NHSL2: variants seen among roughly 807,000 people sequenced by gnomAD.
The protein encoded by NHSL2 is NHS-like protein 2.
A neutral mutation model predicts 53.4 loss-of-function variants in NHSL2; 27 were observed. The ratio of observed to expected loss-of-function variants is 0.51; its 90% CI spans 0.37 to 0.70. The LOEUF (loss-of-function observed/expected upper bound fraction) is 0.70. Ranked by LOEUF, NHSL2 falls within the 30% of genes least tolerant of loss-of-function variation. The pLI, the probability that NHSL2 is intolerant of heterozygous loss-of-function variation, is 0.00. For synonymous variants in NHSL2, 408 were observed against 404.1 expected, an observed-to-expected ratio of 1.01 and a Z score of -0.12; for missense variants, 892 against 980.1, an observed-to-expected ratio of 0.91 and a Z score of 1.20.
chrX:72,142,556 C>T (rs1489598482), intron 7 of NHSL2, among the ~76,000 whole-genome samples, 192 bp downstream of exon 7: 4 of 111,338 alleles, frequency 3.6e-5, no homozygotes, highest in East Asian at 2.8e-4. Context: ...CATATGTGAG[C>T]GCAGTCCAGG....
At chrX:71,949,572 C>A (rs1236313271) in intron 1 of NHSL2, among the ~76,000 whole-genome samples, 1 of 111,597 alleles carries the variant, frequency 9.0e-6, no homozygotes, top group Non-Finnish European at 1.9e-5. Flanking sequence ...ATGAAAAAGT[C>A]CAGGTCACTG....
intron 1 of NHSL2, chrX:72,131,578 G>A (rs1329398455): frequency 8.8e-6 from 10 of 1,138,170 alleles, no homozygotes; most frequent in Non-Finnish European, 1.2e-5. Context: ...CCGTGGTGGG[G>A]AAAGGGGAAC....
intron 1 of NHSL2, among the ~76,000 whole-genome samples, chrX:72,115,131 AACTCC>A (rs1229277323): frequency 9.0e-6 from 1 of 111,471 alleles, no homozygotes; most frequent in Non-Finnish European, 1.9e-5. Context: ...AGGTCTGTCC[AACTCC>A]ATGTCCCAAC....
At chrX:72,112,246 A>T (rs968555453) in intron 1 of NHSL2, among the ~76,000 whole-genome samples, 14 of 110,283 alleles carry the variant, frequency 1.3e-4, no homozygotes, top group African/African-American at 4.3e-4. Context: ...CATGGTAAGG[A>T]CTTTGCATTT....
intron 1 of NHSL2, among the ~76,000 whole-genome samples, chrX:72,084,883 C>T (rs766398074): frequency 2.5e-4 from 28 of 111,384 alleles, no homozygotes; most frequent in African/African-American, 4.9e-4. Flanking sequence ...TTCCAGTCAC[C>T]GGGCTTACAG....
intron 1 of NHSL2, chrX:72,130,778 C>CA: frequency 8.3e-7 from 1 of 1,211,693 alleles, no homozygotes; most frequent in Non-Finnish European, 1.1e-6. Context: ...AAAGCATCTG[C>CA]ATAGCTGCCG....
intron 1 of NHSL2, among the ~76,000 whole-genome samples, chrX:71,923,928 A>G (rs2041672163): frequency 8.9e-6 from 1 of 112,213 alleles, no homozygotes; most frequent in Non-Finnish European, 1.9e-5. Flanking sequence ...GGGCTTTGAA[A>G]TGGTGAGTTT....
At chrX:72,110,037 C>T (rs991903212) in intron 1 of NHSL2, among the ~76,000 whole-genome samples, 6 of 111,588 alleles carry the variant, frequency 5.4e-5, no homozygotes, top group African/African-American at 1.6e-4. Context: ...ACCCACAGGA[C>T]GGGGCATCAC....
chrX:71,959,336 G>C (rs907911011), intron 1 of NHSL2, among the ~76,000 whole-genome samples: 2 of 111,964 alleles, frequency 1.8e-5, no homozygotes, highest in Non-Finnish European at 3.8e-5. Context: ...CAAATTTATC[G>C]TATGAATATT....
Position 72,052,773 on chromosome X carries a change from G to A in NHSL2, c.281-79306G>A, listed in dbSNP as rs375085151. ...CCCCCTCCAGGTTGCAAATGAAAAG[G>A]GTAGGTGGGGGCCTCTCCTGAGCCA... is the stretch of plus-strand genomic sequence containing the variant. On this transcript the variant is annotated intron_variant, in intron 1 of 7. Coordinates refer to ENST00000633930, the MANE Select transcript of NHSL2 (RefSeq NM_001013627.3). Among the ~76,000 whole-genome samples the A allele has an allele frequency of 5.6e-4, 63 of 111,730 alleles. 1 individual carries two copies. The South Asian group carries it at 0.023, about 41-fold the overall frequency.
At chrX:72,075,069 A>G (rs899685714) in intron 1 of NHSL2, among the ~76,000 whole-genome samples, 1 of 112,163 alleles carries the variant, frequency 8.9e-6, no homozygotes, top group African/African-American at 3.2e-5. Flanking sequence ...GGAAGACATA[A>G]AGACAAAATT....
intron 1 of NHSL2, among the ~76,000 whole-genome samples, chrX:72,049,079 G>GGGA (rs774267618): frequency 1.8e-5 from 2 of 109,231 alleles, no homozygotes; most frequent in Non-Finnish European, 3.8e-5. Context: ...GGAGGAGGAG[G>GGGA]GGAGGAGGAG....
intron 1 of NHSL2, among the ~76,000 whole-genome samples, chrX:72,115,363 G>A (rs986763730): frequency 1.0e-5 from 1 of 97,804 alleles, no homozygotes; most frequent in South Asian, 5.4e-4. Context: ...AAAAGCTGCT[G>A]TCTTTGGAGG....
chrX:71,932,227 G>A (rs1336626952), intron 1 of NHSL2, among the ~76,000 whole-genome samples: 2 of 111,034 alleles, frequency 1.8e-5, no homozygotes, highest in Admixed American at 1.9e-4. Flanking sequence ...TGGAGGAGAT[G>A]TATGGGAAGA....
rs186953931 is a variant in NHSL2, at chrX:72,011,151, C to T, written c.280+99784C>T. ...CCAATAATCTGCTCCTTTTTATTGC[C>T]GAGTAGTCTTCCATGGCATGGATGT... On this transcript the variant is annotated intron_variant, in intron 1 of 7. Coordinates refer to ENST00000633930, the MANE Select transcript of NHSL2 (RefSeq NM_001013627.3). Among the ~76,000 whole-genome samples, 104 of 111,898 alleles carry T rather than the reference C, an allele frequency of 9.3e-4. No homozygotes were observed. In the South Asian group the frequency reaches 0.014, roughly 15 times the overall value.
At chrX:71,978,024 C>G (rs2147864356) in intron 1 of NHSL2, among the ~76,000 whole-genome samples, 1 of 111,201 alleles carries the variant, frequency 9.0e-6, no homozygotes, top group Non-Finnish European at 1.9e-5. Context: ...CCTAACCTCC[C>G]TTGACCTCAA....
At chrX:71,986,236 G>A (rs2042002375) in intron 1 of NHSL2, among the ~76,000 whole-genome samples, 1 of 111,770 alleles carries the variant, frequency 8.9e-6, no homozygotes, top group Non-Finnish European at 1.9e-5. Flanking sequence ...GATTAATTAG[G>A]TCAGAAAAAG....
intron 6 of NHSL2, chrX:72,141,037 T>C (rs936386186): frequency 3.7e-6 from 1 of 272,917 alleles, no homozygotes; most frequent in Non-Finnish European, 6.7e-6. Context: ...GATAATGAAA[T>C]CAAACTAGGT....
rs946266421 is a variant in NHSL2, at chrX:72,115,456, G to A, written c.281-16623G>A. Among the ~76,000 whole-genome samples the A allele has an allele frequency of 6.8e-5, 7 of 103,052 alleles. No individual in the cohort carries two copies. In the Admixed American group the frequency reaches 7.4e-4, roughly 11 times the overall value. 89.5% of individuals were successfully genotyped at this position (103,052 alleles called of 115,157 possible). ...CGGGGGGGGGGTGCGGGGGGCGTGA[G>A]AGGCTGCAGGGAGACTGACTGAGTT... On this transcript the variant is annotated intron_variant, in intron 1 of 7. Transcript: ENST00000633930.
Sources: allele counts gnomAD v4.1 joint callset (sites outside exome capture counted in the v4.1 genomes callset), GRCh38; gene constraint gnomAD v4.1.1; transcripts MANE v1.5; gene names NCBI Gene and HGNC (gene_info 2026-07-23, HGNC 2026-07-21).